WDR72: variants seen among roughly 807,000 people sequenced by gnomAD.
The protein encoded by WDR72 is WD repeat-containing protein 72.
Under a neutral mutation model 124.2 loss-of-function variants are expected in WDR72, and 120 were observed. That is an observed-to-expected ratio of 0.97 (90% CI 0.83 to 1.12). The LOEUF is 1.12. Ranked by LOEUF, WDR72 falls within the 50% of genes most tolerant of loss-of-function variation. The pLI, the probability that WDR72 is intolerant of heterozygous loss-of-function variation, is 0.00. For missense variants in WDR72, 1,387 were observed against 1,278.8 expected (o/e 1.08, Z -1.29); for synonymous variants, 452 against 441.7 (o/e 1.02, Z -0.29).
At chr15:53,559,087 A>C (rs1209843285) in intron 18 of WDR72, among the ~76,000 whole-genome samples, 1 of 152,028 alleles carries the variant, frequency 6.6e-6, no homozygotes, top group Non-Finnish European at 1.5e-5. Context: ...AATATAGCCC[A>C]AAAGCAACGC....
chr15:53,715,379 G>C lies in WDR72; in HGVS notation c.340-12C>G. ...GAGCAGTGGTAATACTACGTACATG[G>C]AAAGCAAAGCAAACATTTAATTATC... On this transcript the variant is annotated splice_polypyrimidine_tract_variant and intron_variant, in intron 4 of 19. Transcript: ENST00000360509. 1 of 1,613,980 alleles carries C rather than the reference G, an allele frequency of 6.2e-7. No homozygotes were observed.
At chr15:53,634,893 G>GT (rs764846526) in intron 14 of WDR72, among the ~76,000 whole-genome samples, 14 of 152,210 alleles carry the variant, frequency 9.2e-5, no homozygotes, top group Non-Finnish European at 2.1e-4. Context: ...AGCAAAGGTA[G>GT]TAGTGCAAGA....
At chr15:53,717,705 C>T (rs748727935) in intron 3 of WDR72, among the ~76,000 whole-genome samples, 5 of 152,100 alleles carry the variant, frequency 3.3e-5, no homozygotes, top group Non-Finnish European at 5.9e-5. Context: ...GCCAAATATC[C>T]TACAATGCAT....
chr15:53,718,261 C>T (rs1370097747), intron 3 of WDR72, among the ~76,000 whole-genome samples: 11,605 of 151,872 alleles, frequency 0.076, 1,501 homozygotes, highest in African/African-American at 0.27. Context: ...ATTTCTAAAC[C>T]AGTAGCTCTA....
chr15:53,739,570 T>C (rs2018451417), intron 1 of WDR72, among the ~76,000 whole-genome samples: 1 of 152,152 alleles, frequency 6.6e-6, no homozygotes, highest in African/African-American at 2.4e-5. Context: ...AAGCTCACTC[T>C]CATGAATACC....
At chr15:53,562,733 C>T (rs1446553348) in intron 18 of WDR72, among the ~76,000 whole-genome samples, 1 of 151,812 alleles carries the variant, frequency 6.6e-6, no homozygotes, top group Admixed American at 6.6e-5. Context: ...CTATCCCCTA[C>T]TGCAAACCCT....
chr15:53,678,818 T>C lies in WDR72; in HGVS notation c.1766-13050A>G, dbSNP rs74932601. Reference sequence around the variant, plus strand: ...TTGACTTCTGGGTATATACCAAAATTGACTGAAAACAACGATATGAATAGA... The same window carrying C: ...TTGACTTCTGGGTATATACCAAAATCGACTGAAAACAACGATATGAATAGA... On this transcript the variant is annotated intron_variant, in intron 13 of 19. Transcript: ENST00000360509. Among the ~76,000 whole-genome samples the C allele has an allele frequency of 4.3e-3, 657 of 152,326 alleles. 2 individuals are homozygous for C. The highest frequency in any genetic ancestry group is 6.6e-3 in the Non-Finnish European group (446 of 68,030).
chr15:53,726,825 C>A lies in WDR72; in HGVS notation c.154-3917G>T, dbSNP rs142897124. Reference sequence around the variant, plus strand: ...TGCCACTGCACTCCAGACTGGGTGACAGAGTGAGATCCCATCTCAAGAAAA... The same window carrying A: ...TGCCACTGCACTCCAGACTGGGTGAAAGAGTGAGATCCCATCTCAAGAAAA... On this transcript the variant is annotated intron_variant, in intron 2 of 19. Transcript: ENST00000360509. Among the ~76,000 whole-genome samples the A allele has an allele frequency of 1.6e-3, 245 of 152,264 alleles. 1 individual carries two copies. The highest frequency in any genetic ancestry group is 0.01 in the Middle Eastern group (3 of 294).
chr15:53,653,326 T>G (rs2015306415), intron 14 of WDR72, among the ~76,000 whole-genome samples: 1 of 152,150 alleles, frequency 6.6e-6, no homozygotes, highest in Admixed American at 6.5e-5. Context: ...CTGTCCCCTT[T>G]GAACTTACAC....
chr15:53,640,233 C>A (rs1266332555), intron 14 of WDR72, among the ~76,000 whole-genome samples: 1 of 152,136 alleles, frequency 6.6e-6, no homozygotes, highest in Admixed American at 6.5e-5. Flanking sequence ...AAATGTCTTA[C>A]AACACTAGCC....
At chr15:53,649,940 G>T (rs146878283) in intron 14 of WDR72, among the ~76,000 whole-genome samples, 23 of 152,194 alleles carry the variant, frequency 1.5e-4, no homozygotes, top group Middle Eastern at 3.4e-3. Context: ...ATCGACTTCT[G>T]GGTATTTATC....
At chr15:53,700,821 C>T (rs1160917031) in intron 12 of WDR72, among the ~76,000 whole-genome samples, 3 of 152,210 alleles carry the variant, frequency 2.0e-5, no homozygotes, top group South Asian at 2.1e-4. Context: ...CCTAGACTTG[C>T]AGAACGGATC....
intron 18 of WDR72, among the ~76,000 whole-genome samples, chr15:53,535,903 C>G (rs1456409128): frequency 6.6e-6 from 1 of 152,132 alleles, no homozygotes; most frequent in Non-Finnish European, 1.5e-5. Context: ...CTGGTTCACA[C>G]TAATTTACTT....
At chr15:53,684,139 G>A (rs1244517009) in intron 13 of WDR72, 2 of 152,124 alleles carry the variant, frequency 1.3e-5, no homozygotes, top group Non-Finnish European at 2.9e-5. Context: ...AGGTATAATA[G>A]ACGAACCTTT....
chr15:53,653,252 C>G (rs1004504736), intron 14 of WDR72, among the ~76,000 whole-genome samples: 10 of 152,066 alleles, frequency 6.6e-5, no homozygotes, highest in South Asian at 2.1e-4. Context: ...CTTCCACGTG[C>G]CAGATATGCC....
intron 11 of WDR72, 114 bp from the exon 12 acceptor site, chr15:53,702,468 G>A: frequency 4.7e-6 from 4 of 857,764 alleles, no homozygotes; most frequent in Non-Finnish European, 7.3e-6. Flanking sequence ...ATTAAAGCAT[G>A]CACTTGGCTA....
chr15:53,515,329 T>G lies in WDR72; in HGVS notation c.*2370A>C, dbSNP rs1332755574. On this transcript the variant is annotated 3_prime_UTR_variant, in exon 20 of 20. Transcript: ENST00000360509. The stretch of plus-strand genomic sequence containing the variant: ...TTCTGGGTGTAGTACCAAGTGGTTA[T>G]GATCACCACGTACGTGGTCTATCCA... The G allele has an allele frequency of 1.3e-5, 2 of 152,106 alleles. No individual in the cohort carries two copies. The highest frequency in any genetic ancestry group is 6.6e-5 in the Admixed American group (1 of 15,258). The allele number at this position is 152,106 out of a possible 1,614,324, so 9.4% of individuals were successfully genotyped here.
chr15:53,675,047 T>G (rs1479621783), intron 13 of WDR72, among the ~76,000 whole-genome samples: 5 of 152,226 alleles, frequency 3.3e-5, no homozygotes, highest in Non-Finnish European at 5.9e-5. Flanking sequence ...AGGGTTTTCT[T>G]GATAAGGTAT....
intron 18 of WDR72, among the ~76,000 whole-genome samples, chr15:53,587,229 G>C (rs1358266311): frequency 2.0e-5 from 3 of 151,914 alleles, no homozygotes; most frequent in Non-Finnish European, 1.5e-5. Context: ...ACATAACTTT[G>C]TTTTACATAT....
Sources: gnomAD v4.1 joint callset for allele counts (sites outside exome capture counted in the v4.1 genomes callset) on GRCh38, gnomAD v4.1.1 for gene constraint, MANE v1.5 for transcripts, NCBI Gene and HGNC (gene_info 2026-07-23, HGNC 2026-07-21) for gene names.